Variants in ZNF800 observed in about 807,000 individuals in gnomAD.
ZNF800 encodes the protein zinc finger protein 800.
In ZNF800, 13 loss-of-function variants were observed where a neutral mutation model predicts 59.5. The observed-to-expected ratio is 0.22, with a 90% CI of 0.14 to 0.35. ZNF800 has a LOEUF of 0.35. Ranked by LOEUF, ZNF800 falls within the 10% of genes least tolerant of loss-of-function variation. The pLI is 1.00. For synonymous variants in ZNF800, 266 were observed against 265.7 expected, an observed-to-expected ratio of 1.00 and a Z score of -0.01; for missense variants, 621 against 783.7, an observed-to-expected ratio of 0.79 and a Z score of 2.48.
intron 1 of ZNF800, among the ~76,000 whole-genome samples, chr7:127,356,760 C>G (rs1800278982): frequency 6.6e-6 from 1 of 151,278 alleles, no homozygotes; most frequent in Non-Finnish European, 1.5e-5. Context: ...AAACAAAAAA[C>G]TTAAAAATGT....
At chr7:127,369,931 C>A (rs1800591159), downstream of ZNF800, 1 of 152,076 alleles carries the variant, frequency 6.6e-6, no homozygotes, top group South Asian at 2.1e-4. Flanking sequence ...CAAAGAGCAA[C>A]CCCTAGCTTT....
chr7:127,360,654 C>T (rs1382048603), intron 1 of ZNF800: 2 of 151,796 alleles, frequency 1.3e-5, no homozygotes. Context: ...CATGGTAAGT[C>T]ATCCAAGATG....
At chr7:127,389,396 T>C (rs1262601236) in intron 2 of ZNF800, among the ~76,000 whole-genome samples, 1 of 152,182 alleles carries the variant, frequency 6.6e-6, no homozygotes, top group Non-Finnish European at 1.5e-5. Context: ...GACCTATCTC[T>C]TCAAGGCAGA....
intron 1 of ZNF800, among the ~76,000 whole-genome samples, chr7:127,354,087 A>G (rs1239667460): frequency 6.6e-6 from 1 of 152,172 alleles, no homozygotes; most frequent in Non-Finnish European, 1.5e-5. Flanking sequence ...TTGTACACAC[A>G]GTACAAATTT....
Position 127,370,591 on chromosome 7 carries a change from T to C in ZNF800, c.*1223A>G, listed in dbSNP as rs1237357696. 2 of 152,558 alleles carry C rather than the reference T, an allele frequency of 1.3e-5. No homozygotes were observed. The highest frequency in any genetic ancestry group is 2.1e-4 in the South Asian group (1 of 4,836). The allele number at this position is 152,558 out of a possible 1,614,324, so 9.5% of individuals were successfully genotyped here. Reference sequence around the variant, plus strand: ...AAATTTTATACAAAAAGTATATAGATGGACAGGGTCCCTCCTAAGTACAGG... The same window carrying C: ...AAATTTTATACAAAAAGTATATAGACGGACAGGGTCCCTCCTAAGTACAGG... On this transcript the variant is annotated 3_prime_UTR_variant, in exon 6 of 6. Transcript: ENST00000265827.
chr7:127,387,142 T>C (rs1801160246), intron 2 of ZNF800, among the ~76,000 whole-genome samples: 1 of 152,110 alleles, frequency 6.6e-6, no homozygotes, highest in Admixed American at 6.5e-5. Flanking sequence ...CTCAGACTAG[T>C]AGTATAGATA....
chr7:127,349,277 A>G (rs918706249), intron 1 of ZNF800, among the ~76,000 whole-genome samples: 9 of 152,340 alleles, frequency 5.9e-5, no homozygotes, highest in African/African-American at 2.2e-4. Flanking sequence ...TAAGCTTAAC[A>G]TCCTGGTCTC....
chr7:127,373,309 G>T, intron 5 of ZNF800, 33 bp downstream of exon 5: 1 of 1,534,778 alleles, frequency 6.5e-7, no homozygotes, highest in South Asian at 1.3e-5. Flanking sequence ...TCGATGGGGG[G>T]AAAAAAGCAA....
intron 2 of ZNF800, among the ~76,000 whole-genome samples, chr7:127,390,237 A>G (rs1444168457): frequency 6.6e-6 from 1 of 152,224 alleles, no homozygotes; most frequent in Non-Finnish European, 1.5e-5. Flanking sequence ...ACATCTGTAT[A>G]GTTCAAAACT....
At chr7:127,391,195 C>G (rs1357385810) in intron 2 of ZNF800, among the ~76,000 whole-genome samples, 3 of 152,052 alleles carry the variant, frequency 2.0e-5, no homozygotes, top group Admixed American at 6.6e-5. Context: ...CAATTTTAAA[C>G]ATTTACAGAC....
intron 3 of ZNF800, among the ~76,000 whole-genome samples, chr7:127,382,378 A>G (rs1801001824): frequency 6.6e-6 from 1 of 152,224 alleles, no homozygotes; most frequent in African/African-American, 2.4e-5. Flanking sequence ...AAATATGTAA[A>G]GGTAGTACAC....
At chr7:127,391,367 C>A (rs1177430079) in intron 2 of ZNF800, 130 bp downstream of exon 2, 3 of 881,036 alleles carry the variant, frequency 3.4e-6, no homozygotes, top group Non-Finnish European at 5.6e-6. Flanking sequence ...TCATAACTGG[C>A]TTATGCTAGG....
chr7:127,384,197 A>T (rs1175725788), intron 3 of ZNF800, among the ~76,000 whole-genome samples: 1 of 145,380 alleles, frequency 6.9e-6, no homozygotes, highest in Admixed American at 6.9e-5. Flanking sequence ...TAACAAGTCA[A>T]AGCACTTATG....
intron 2 of ZNF800, among the ~76,000 whole-genome samples, chr7:127,388,614 ATGTGCT>A (rs58461733): frequency 0.93 from 142,194 of 152,258 alleles, 66,465 homozygotes; most frequent in East Asian, 1. Flanking sequence ...ATTTGTATAA[ATGTGCT>A]CCTTCTGTAT....
chr7:127,384,125 C>G (rs1051925572), intron 3 of ZNF800, among the ~76,000 whole-genome samples: 6 of 145,320 alleles, frequency 4.1e-5, no homozygotes, highest in African/African-American at 1.5e-4. Flanking sequence ...TTTTTGGAAT[C>G]TTTTTTAATT....
intron 1 of ZNF800, among the ~76,000 whole-genome samples, chr7:127,350,891 T>C (rs6967758): frequency 0.031 from 4,652 of 152,270 alleles, 215 homozygotes; most frequent in African/African-American, 0.099. Context: ...CTTCTTCCAT[T>C]TGAATATTTA....
rs376619481 is a variant in ZNF800 at position 127,374,699 on chromosome 7, C to G, written c.637G>C (p.Glu213Gln). The G allele has an allele frequency of 6.2e-7, 1 of 1,613,912 alleles. No homozygotes were observed. Among genetic ancestry groups the G allele is most frequent in the Non-Finnish European group, 8.5e-7 (1 of 1,179,948 alleles). Residue 213 changes from glutamate (E) to glutamine (Q), a missense_variant, in exon 5 of 6, where the codon GAG becomes CAG. Around this residue, in one of 7 missense-constraint regions of ZNF800, gnomAD observed 218 missense variants for 230.8 expected, o/e 0.94. Coordinates refer to ENST00000265827, the MANE Select transcript of ZNF800 (RefSeq NM_176814.5). ...VAPTSDEQPQ[E>Q]SQADLETSDN... The stretch of plus-strand genomic sequence containing the variant: ...GAAGTTTCCAAGTCAGCCTGCGACT[C>G]CTGAGGTTGTTCATCAGATGTAGGT...
chr7:127,375,163 T>A, intron 4 of ZNF800, 129 bp from the exon 5 acceptor site: 1 of 746,050 alleles, frequency 1.3e-6, no homozygotes, highest in Non-Finnish European at 1.9e-6. Context: ...ATAAGAGCAT[T>A]ATCTACTTTT....
At position 127,357,109 on chromosome 7, in the gene ZNF800, C is replaced by A. The variant is rs147763955; in HGVS notation, n.225-9066G>T. The stretch of plus-strand genomic sequence containing the variant: ...TCATCTTGCATACCCTCATAAGTAC[C>A]CACTGGCCTGGAGGTACGTGGTGGT... On this transcript the variant is annotated intron_variant and non_coding_transcript_variant, in intron 1 of 1. Coordinates refer to the ZNF800 transcript ENST00000485577. Among the ~76,000 whole-genome samples the A allele has an allele frequency of 3.5e-4, 53 of 152,102 alleles. 1 individual carries two copies. In the East Asian group the frequency reaches 8.1e-3, roughly 23 times the overall value.
Sources: allele counts gnomAD v4.1 joint callset (sites outside exome capture counted in the v4.1 genomes callset), GRCh38; gene constraint gnomAD v4.1.1; regional missense constraint gnomAD v4.1.1; transcripts MANE v1.5; gene names NCBI Gene and HGNC (gene_info 2026-07-23, HGNC 2026-07-21).